Variants in N4BP2 observed in about 807,000 individuals in gnomAD.
The protein encoded by N4BP2 is NEDD4-binding protein 2.
N4BP2 carries 91 observed loss-of-function variants against 152.8 expected under a neutral mutation model. That is an observed-to-expected ratio of 0.60 (90% CI 0.50 to 0.71). N4BP2 has a LOEUF of 0.71. Among genes scored for constraint, N4BP2 ranks in the 30% least tolerant of loss-of-function variants. The pLI is 0.00. For missense variants in N4BP2, 1,923 were observed against 2,059.1 expected (o/e 0.93, Z 1.28); for synonymous variants, 646 against 705.3 (o/e 0.92, Z 1.33).
the N4BP2 span, among the ~76,000 whole-genome samples, chr4:40,177,162 AG>A: frequency 1.1e-4 from 17 of 152,164 alleles, no homozygotes; most frequent in Non-Finnish European, 2.1e-4. Flanking sequence ...GCCTAGCTAA[AG>A]CTCAACTCTG....
chr4:40,113,608 A>C, intron 7 of N4BP2, 100 bp downstream of exon 7: 2 of 799,712 alleles, frequency 2.5e-6, no homozygotes, highest in Non-Finnish European at 4.3e-6. Context: ...AATTGATTAG[A>C]TTGTAACTTA....
chr4:40,117,724 A>G (rs1717476452), intron 7 of N4BP2, 145 bp from the exon 8 acceptor site: 1 of 491,634 alleles, frequency 2.0e-6, no homozygotes, highest in Non-Finnish European at 3.2e-6. Flanking sequence ...TTAGAATCAA[A>G]TTGTATATAT....
chr4:40,060,457 C>T (rs947268247), intron 1 of N4BP2, among the ~76,000 whole-genome samples: 6 of 152,146 alleles, frequency 3.9e-5, no homozygotes, highest in African/African-American at 1.4e-4. Context: ...GTTGGTCAGG[C>T]TGGTCGTGAA....
chr4:40,137,171 A>T (rs1719484730), intron 14 of N4BP2, 89 bp downstream of exon 14: 3 of 1,038,452 alleles, frequency 2.9e-6, no homozygotes, highest in Non-Finnish European at 4.0e-6. Flanking sequence ...TTTAATGATT[A>T]TTTCTCACCA....
At chr4:40,145,619 A>G (rs1720442250) in intron 16 of N4BP2, among the ~76,000 whole-genome samples, 1 of 152,228 alleles carries the variant, frequency 6.6e-6, no homozygotes, top group Non-Finnish European at 1.5e-5. Flanking sequence ...TTTAATCCAG[A>G]GAGAAGAAAA....
chr4:40,062,078 CT>C (rs71194968), intron 1 of N4BP2, among the ~76,000 whole-genome samples: 1,875 of 132,350 alleles, frequency 0.014, 14 homozygotes, highest in Non-Finnish European at 0.023. Flanking sequence ...TTTTTGGTTA[CT>C]TTTTTTTTTT....
At position 40,121,889 on chromosome 4, in the gene N4BP2, A is replaced by G. The variant is rs745902465; in HGVS notation, c.3778A>G (p.Lys1260Glu). 5.6e-6 allele frequency: 9 copies of G among 1,608,456 alleles called. No individual in the cohort carries two copies. The Admixed American group carries it at 1.6e-4, about 28-fold the overall frequency. The part of the protein sequence containing the change: ...FPGILKATTP[K>E]DMSETEKNLV... ...AGGTATTCTAAAAGCTACTACTCCT[A>G]AAGATATGAGTGAAACAGAAAAAAA... The change falls in exon 9 of 18, where the codon AAA (lysine) becomes GAA (glutamate). Residue 1260 changes from lysine (K) to glutamate (E), a missense_variant. Lys to Glu is a moderately conservative substitution (Grantham distance 56, BLOSUM62 1). Transcript: ENST00000261435.
intron 13 of N4BP2, among the ~76,000 whole-genome samples, chr4:40,133,150 T>C (rs1344410848): frequency 6.6e-6 from 1 of 152,230 alleles, no homozygotes; most frequent in African/African-American, 2.4e-5. Flanking sequence ...TATTTTTTAC[T>C]GATATCTTTC....
At chr4:40,067,505 A>G (rs1711649838) in intron 1 of N4BP2, among the ~76,000 whole-genome samples, 1 of 151,948 alleles carries the variant, frequency 6.6e-6, no homozygotes, top group African/African-American at 2.4e-5. Context: ...ATGTGCAAGT[A>G]TCTCTTGGAG....
chr4:40,175,951 G>T, the N4BP2 span, among the ~76,000 whole-genome samples: 2 of 151,786 alleles, frequency 1.3e-5, no homozygotes, highest in East Asian at 3.9e-4. Flanking sequence ...TTAGCCGGGC[G>T]CGGTGGCGGG....
At chr4:40,146,869 CTTTTTTT>C (rs33993973) in intron 16 of N4BP2, among the ~76,000 whole-genome samples, 1 of 90,066 alleles carries the variant, frequency 1.1e-5, no homozygotes, top group African/African-American at 4.5e-5. Context: ...ATGTGTTTGG[CTTTTTTT>C]TTTTTTTTTT....
At chr4:40,167,812 A>C in the N4BP2 span, 1 of 152,222 alleles carries the variant, frequency 6.6e-6, no homozygotes, top group Non-Finnish European at 1.5e-5. Context: ...TACGTGTTAA[A>C]TAAAGACTCT....
At chr4:40,150,402 C>T (rs1014148354) in intron 16 of N4BP2, among the ~76,000 whole-genome samples, 6 of 152,158 alleles carry the variant, frequency 3.9e-5, no homozygotes, top group East Asian at 1.9e-4. Context: ...TGTGATGGCT[C>T]ATGCCTGTAA....
intron 2 of N4BP2, among the ~76,000 whole-genome samples, chr4:40,083,535 G>A (rs1294326756): frequency 6.6e-6 from 1 of 152,142 alleles, no homozygotes; most frequent in Non-Finnish European, 1.5e-5. Context: ...CTACAACATG[G>A]ATGAACCTGG....
At chr4:40,087,246 C>T (rs1171404513) in intron 2 of N4BP2, among the ~76,000 whole-genome samples, 1 of 151,832 alleles carries the variant, frequency 6.6e-6, no homozygotes, top group Non-Finnish European at 1.5e-5. Context: ...TGTTTCTTTC[C>T]TTTTCCCCTT....
intron 12 of N4BP2, among the ~76,000 whole-genome samples, chr4:40,127,045 C>T (rs1256594901): frequency 6.6e-6 from 1 of 151,988 alleles, no homozygotes; most frequent in African/African-American, 2.4e-5. Flanking sequence ...ATGCATGAGC[C>T]ACCATGCCCA....
intron 2 of N4BP2, among the ~76,000 whole-genome samples, chr4:40,083,400 T>C (rs1713600894): frequency 6.6e-6 from 1 of 152,210 alleles, no homozygotes. Context: ...ATAGCAACAT[T>C]ATTCACCATA....
rs1400676614 is a variant in N4BP2 at position 40,097,281 on chromosome 4, G to A, written c.-60G>A. On this transcript the variant is annotated 5_prime_UTR_variant, in exon 3 of 18. An upstream start codon of the reference 5' UTR is lost. Coordinates refer to ENST00000261435, the MANE Select transcript of N4BP2 (RefSeq NM_018177.6). Reference sequence around the variant, plus strand: ...TTTAACCCTATTTTGTTTGAATTATGACTTAAATGTCAAACATCTTAACTA... The same window carrying A: ...TTTAACCCTATTTTGTTTGAATTATAACTTAAATGTCAAACATCTTAACTA... 5 of 1,417,872 alleles carry A rather than the reference G, an allele frequency of 3.5e-6. No individual in the cohort carries two copies. The highest frequency in any genetic ancestry group is 5.0e-6 in the Non-Finnish European group (5 of 1,009,522). The allele number at this position is 1,417,872 out of a possible 1,614,324, so 87.8% of individuals were successfully genotyped here.
At chr4:40,089,325 T>C (rs1232097206) in intron 2 of N4BP2, among the ~76,000 whole-genome samples, 1 of 152,098 alleles carries the variant, frequency 6.6e-6, no homozygotes, top group Non-Finnish European at 1.5e-5. Flanking sequence ...ATCCTGAATG[T>C]GGTATGTAAG....
Sources: gnomAD v4.1 joint callset for allele counts (sites outside exome capture counted in the v4.1 genomes callset) on GRCh38, gnomAD v4.1.1 for gene constraint, MANE v1.5 for transcripts, NCBI Gene and HGNC (gene_info 2026-07-23, HGNC 2026-07-21) for gene names.